AKAP13: variants seen among roughly 807,000 people sequenced by gnomAD.
The protein encoded by AKAP13 is A-kinase anchor protein 13.
Under a neutral mutation model 264.5 loss-of-function variants are expected in AKAP13, and 80 were observed. The ratio of observed to expected loss-of-function variants is 0.30; its 90% confidence interval spans 0.25 to 0.36. AKAP13 has a LOEUF of 0.36. AKAP13 is among the 10% of genes least tolerant of loss of function. AKAP13 has a pLI of 1.00. For synonymous variants in AKAP13, 1,380 were observed against 1,250.2 expected (o/e 1.10, Z -2.19); for missense variants, 3,712 against 3,435.2 (o/e 1.08, Z -2.01).
chr15:85,491,174 C>G (rs958267510), intron 2 of AKAP13, among the ~76,000 whole-genome samples: 1 of 152,054 alleles, frequency 6.6e-6, no homozygotes, highest in Admixed American at 6.6e-5. Flanking sequence ...TAGGATTTAA[C>G]AGACCACTGG....
In AKAP13 at chr15:85,724,802, C is replaced by T. The variant is rs985123805; in HGVS notation, c.6745+1482C>T. Among the ~76,000 whole-genome samples the T allele has an allele frequency of 1.3e-5, 2 of 151,764 alleles. No individual in the cohort carries two copies. Among genetic ancestry groups the T allele is most frequent in the Non-Finnish European group, 2.9e-5 (2 of 67,972 alleles). On this transcript the variant is annotated intron_variant, in intron 26 of 36. Transcript: ENST00000394518. This position sits in a 1 kb window ranked among gnomAD's most constrained non-coding sequence, Gnocchi z 4.2. ...CTGTGCAGTGCTTTGGGGAAGAGCT[C>T]ATCTGGGCCTGCATTGTAGCAGAAG...
At chr15:85,661,588 G>A (rs1031776837) in intron 12 of AKAP13, among the ~76,000 whole-genome samples, 5 of 152,004 alleles carry the variant, frequency 3.3e-5, no homozygotes, top group Admixed American at 2.0e-4. Context: ...GGGTGTGGTG[G>A]TGCACACCTG....
At chr15:85,729,727 T>A (rs549624828) in intron 29 of AKAP13, among the ~76,000 whole-genome samples, 42 of 151,834 alleles carry the variant, frequency 2.8e-4, no homozygotes, top group African/African-American at 9.4e-4. Context: ...ACCCAAGGTC[T>A]GGAGTTCGAG....
chr15:85,396,901 CTT>C (rs34499592), intron 1 of AKAP13, among the ~76,000 whole-genome samples: 2,432 of 114,548 alleles, frequency 0.021, 83 homozygotes, highest in African/African-American at 0.072. Flanking sequence ...GTATGTTAGA[CTT>C]TTTTTTTTTT....
rs2079126710 is a variant in AKAP13, at chr15:85,580,439, C to T, written c.2371C>T (p.Pro791Ser). 1.9e-6 allele frequency: 3 copies of T among 1,614,204 alleles called. No homozygotes were observed. The highest frequency in any genetic ancestry group is 2.5e-6 in the Non-Finnish European group (3 of 1,180,024). ...CAGTACTTTCTCTCTGGCAAACAGT[C>T]CAGGCAGTGAATCAGTAACCAAGGA... ...SDSTFSLANS[P>S]GSESVTKDDA... is the part of the protein sequence containing the mutation. Residue 791 changes from proline (P) to serine (S), a missense_variant, in exon 7 of 37, where the codon CCA becomes TCA. Pro to Ser is a moderately conservative substitution (Grantham distance 74). This residue lies in a region of AKAP13 where 2,759 missense variants were observed against 2,411.7 expected (regional missense o/e 1.14). Transcript: ENST00000394518.
At chr15:85,695,972 C>T (rs1389154222) in intron 17 of AKAP13, among the ~76,000 whole-genome samples, 1 of 152,182 alleles carries the variant, frequency 6.6e-6, no homozygotes, top group Non-Finnish European at 1.5e-5. Context: ...TTGCCTAGAG[C>T]AGTAATCACC....
intron 21 of AKAP13, 24 bp downstream of exon 21, chr15:85,717,426 T>C (rs1214163161): frequency 1.3e-6 from 2 of 1,522,816 alleles, no homozygotes; most frequent in East Asian, 2.3e-5. Context: ...ATGGCCTTTA[T>C]TTTATGCCTC....
chr15:85,637,349 A>T (rs56396144), intron 8 of AKAP13, among the ~76,000 whole-genome samples: 1 of 152,124 alleles, frequency 6.6e-6, no homozygotes, highest in Non-Finnish European at 1.5e-5. Context: ...TAGATTATCT[A>T]TGTTTTCTTG....
intron 1 of AKAP13, among the ~76,000 whole-genome samples, chr15:85,460,463 C>G (rs62022082): frequency 0.14 from 20,984 of 152,204 alleles, 1,848 homozygotes; most frequent in Non-Finnish European, 0.21. Context: ...AAATACCTTC[C>G]TTGCTCCATG....
chr15:85,709,822 A>G (rs1027875005), intron 18 of AKAP13, among the ~76,000 whole-genome samples: 1 of 151,888 alleles, frequency 6.6e-6, no homozygotes, highest in Non-Finnish European at 1.5e-5. Context: ...CAAGTAGCTG[A>G]GATTACAGGT....
intron 1 of AKAP13, among the ~76,000 whole-genome samples, chr15:85,412,721 A>C (rs937608889): frequency 6.6e-6 from 1 of 152,232 alleles, no homozygotes; most frequent in Non-Finnish European, 1.5e-5. Context: ...CTTACAATGG[A>C]TTGAAATAAG....
At chr15:85,618,723 G>A (rs2081045897) in intron 8 of AKAP13, among the ~76,000 whole-genome samples, 3 of 152,134 alleles carry the variant, frequency 2.0e-5, no homozygotes, top group African/African-American at 4.8e-5. Flanking sequence ...CACTGAAGAA[G>A]TCCCAGCCAG....
rs143309915 is a variant in AKAP13, at chr15:85,468,290, C to T, written c.-11-17420C>T. 2.8e-4 allele frequency among the ~76,000 whole-genome samples: 42 copies of T among 152,264 alleles called. 1 individual carries two copies. In the East Asian group the frequency reaches 7.7e-3, roughly 28 times the overall value. ...ATGGTTGATGCCCCTTTTAGACGGT[C>T]AGAGTCTTAGCCCTTCTAGAGGTAT... On this transcript the variant is annotated intron_variant, in intron 1 of 36. Transcript: ENST00000394518.
Position 85,722,253 on chromosome 15 carries a change from T to C in AKAP13, c.6402T>C (p.Val2134=). ...FVKKKMSSSV[V]RRLGIPECIL... ...AGAAGAAGATGAGCAGTTCAGTTGT[T>C]AGAAGGCTTGGAATTCCAGAGTGCA... The change falls in exon 25 of 37, where the codon GTT becomes GTC. Residue 2134 remains valine, a synonymous_variant. Coordinates refer to ENST00000394518, the MANE Select transcript of AKAP13 (RefSeq NM_007200.5). 6.2e-7 allele frequency: 1 copy of C among 1,613,714 alleles called. No individual in the cohort carries two copies. Among genetic ancestry groups the C allele is most frequent in the Non-Finnish European group, 8.5e-7 (1 of 1,179,828 alleles).
chr15:85,452,342 A>T (rs1003439421), intron 1 of AKAP13, among the ~76,000 whole-genome samples: 3 of 150,648 alleles, frequency 2.0e-5, no homozygotes, highest in South Asian at 4.2e-4. Context: ...CTTTGTTCCT[A>T]TCCATATTCA....
At chr15:85,656,940 C>T (rs2083125549) in intron 11 of AKAP13, among the ~76,000 whole-genome samples, 4 of 152,028 alleles carry the variant, frequency 2.6e-5, no homozygotes, top group African/African-American at 9.7e-5. Flanking sequence ...CTCATGAGCC[C>T]AGGAGTTTGA....
At chr15:85,472,082 AT>A (rs1472206224) in intron 1 of AKAP13, among the ~76,000 whole-genome samples, 4 of 152,110 alleles carry the variant, frequency 2.6e-5, no homozygotes, top group African/African-American at 9.6e-5. Context: ...GTCCTTAAGT[AT>A]TTCATGGTTT....
At chr15:85,426,189 G>T (rs541074169) in intron 1 of AKAP13, among the ~76,000 whole-genome samples, 10 of 152,296 alleles carry the variant, frequency 6.6e-5, no homozygotes, top group Admixed American at 2.0e-4. Flanking sequence ...TATTGGTTTA[G>T]TCATTAATAC....
chr15:85,478,213 A>G (rs968533126), intron 1 of AKAP13, among the ~76,000 whole-genome samples: 1 of 152,242 alleles, frequency 6.6e-6, no homozygotes, highest in African/African-American at 2.4e-5. Context: ...AGTACATGTA[A>G]TATTTTAGGG....
Sources: gnomAD v4.1 joint callset for allele counts (sites outside exome capture counted in the v4.1 genomes callset) on GRCh38, gnomAD v4.1.1 for gene constraint, gnomAD v4.1.1 regional missense constraint, Gnocchi (gnomAD v3.1) non-coding constraint, MANE v1.5 for transcripts, NCBI Gene and HGNC (gene_info 2026-07-23, HGNC 2026-07-21) for gene names.